The following BMS1 variants were observed in gnomAD, a reference collection of about 807,000 sequenced individuals.
BMS1 encodes ribosome biogenesis protein BMS1 homolog.
BMS1 carries 53 observed loss-of-function variants against 138.7 expected under a neutral mutation model. That is an observed-to-expected ratio of 0.38 (90% CI 0.31 to 0.48). BMS1 has a LOEUF of 0.48. Among genes scored for constraint, BMS1 ranks in the 20% least tolerant of loss-of-function variants. The pLI is 0.97. For synonymous variants in BMS1, 504 were observed against 539.9 expected, an observed-to-expected ratio of 0.93 and a Z score of 0.92; for missense variants, 1,360 against 1,565.5, an observed-to-expected ratio of 0.87 and a Z score of 2.22.
intron 13 of BMS1, among the ~76,000 whole-genome samples, chr10:42,809,380 ATTTC>A (rs1266179577): frequency 6.7e-6 from 1 of 149,816 alleles, no homozygotes; most frequent in African/African-American, 2.5e-5. Context: ...AGACAGTGTT[ATTTC>A]TTTCTTTTCA....
intron 13 of BMS1, among the ~76,000 whole-genome samples, chr10:42,811,520 C>CTCT (rs1842177255): frequency 8.2e-6 from 1 of 121,568 alleles, no homozygotes; most frequent in African/African-American, 3.4e-5. Context: ...GTTGTATTTT[C>CTCT]TTTTTCTTTT....
intron 21 of BMS1, among the ~76,000 whole-genome samples, chr10:42,825,039 C>A (rs1842599557): frequency 6.6e-6 from 1 of 151,914 alleles, no homozygotes; most frequent in Non-Finnish European, 1.5e-5. Context: ...GGCAAAGTCT[C>A]ACTCTGTCGC....
rs1841559386 is a variant in BMS1 at position 42,792,981 on chromosome 10, A to G, written c.926A>G (p.Asp309Gly). ...MPGVGDFAVS[D>G]ISFLPDPCAL... ...GGGGTAGGAGATTTTGCCGTGAGTG[A>G]CATCAGTTTCCTCCCAGACCCTTGC... Residue 309 changes from aspartate to glycine, a missense_variant, in exon 8 of 23, where the codon GAC becomes GGC. Transcript: ENST00000374518. 1 of 1,611,144 alleles carries G rather than the reference A, an allele frequency of 6.2e-7. No homozygotes were observed. The highest frequency in any genetic ancestry group is 1.7e-5 in the Admixed American group (1 of 59,246).
At chr10:42,814,580 T>C (rs1210774125) in intron 13 of BMS1, among the ~76,000 whole-genome samples, 2 of 152,242 alleles carry the variant, frequency 1.3e-5, no homozygotes, top group Non-Finnish European at 2.9e-5. Context: ...TCTGCCTATG[T>C]AATTTTTTTA....
At chr10:42,828,133 T>C (rs1007355853) in intron 21 of BMS1, among the ~76,000 whole-genome samples, 1 of 152,236 alleles carries the variant, frequency 6.6e-6, no homozygotes, top group African/African-American at 2.4e-5. Context: ...TCCCAGGCAC[T>C]GCCTCCCCAA....
intron 13 of BMS1, among the ~76,000 whole-genome samples, chr10:42,810,070 AG>A (rs1588736848): frequency 6.7e-6 from 1 of 149,194 alleles, no homozygotes; most frequent in East Asian, 2.0e-4. Context: ...CCCAAGCGTT[AG>A]GTTTACAGGC....
At chr10:42,824,968 G>A (rs1842596450) in intron 21 of BMS1, among the ~76,000 whole-genome samples, 2 of 151,850 alleles carry the variant, frequency 1.3e-5, no homozygotes, top group Non-Finnish European at 2.9e-5. Flanking sequence ...GCTGTTTGGG[G>A]TTTTTTGTGG....
At chr10:42,786,815 A>T (rs1841346795) in intron 3 of BMS1, among the ~76,000 whole-genome samples, 1 of 152,174 alleles carries the variant, frequency 6.6e-6, no homozygotes, top group South Asian at 2.1e-4. Context: ...GGATGTTTGT[A>T]GCTCTAGTGG....
Position 42,797,029 on chromosome 10 carries a change from A to G in BMS1, c.1785A>G (p.Glu595=), listed in dbSNP as rs760046676. 5.6e-6 allele frequency: 9 copies of G among 1,614,090 alleles called. No individual in the cohort carries two copies. In the African/African-American group the frequency reaches 8.0e-5, roughly 14 times the overall value. The change falls in exon 10 of 23, where the codon GAA becomes GAG. Residue 595 remains glutamate (E), a synonymous_variant. Transcript: ENST00000374518. ...EEVFASEDES[E]ESSSLSAEEE... ...TGTTTGCATCTGAAGATGAATCTGA[A>G]GAAAGCTCCTCACTCAGTGCAGAGG...
Position 42,798,550 on chromosome 10 carries a change from G to A in BMS1, c.2172G>A (p.Glu724=), listed in dbSNP as rs762865702. The change falls in exon 12 of 23, where the codon GAG becomes GAA. Residue 724 remains glutamate (E), a synonymous_variant. Transcript: ENST00000374518. ...GLFRVNQPDR[E]CKHKADSLDC... ...TTCGTGTCAACCAGCCTGACAGAGA[G>A]TGTAAGCACAAGGCTGACTCTTTGG... 1 of 1,614,266 alleles carries A rather than the reference G, an allele frequency of 6.2e-7. No homozygotes were observed. Among genetic ancestry groups the A allele is most frequent in the Non-Finnish European group, 8.5e-7 (1 of 1,180,050 alleles).
chr10:42,796,868 G>A lies in BMS1; in HGVS notation c.1624G>A (p.Ala542Thr), dbSNP rs538370542. The A allele has an allele frequency of 6.2e-7, 1 of 1,614,210 alleles. No individual in the cohort carries two copies. Among genetic ancestry groups the A allele is most frequent in the South Asian group, 1.1e-5 (1 of 91,086 alleles). Residue 542 changes from alanine to threonine, a missense_variant, in exon 10 of 23, where the codon GCT (alanine) becomes ACT (threonine). By Grantham distance (58) the Ala-to-Thr change is moderately conservative. This residue lies in a region of BMS1 where 697 missense variants were observed against 686.2 expected (regional missense o/e 1.02). Coordinates refer to ENST00000374518, the MANE Select transcript of BMS1 (RefSeq NM_014753.4). ...AGEKGISGSKAAGEGSKAGLS... is the reference protein window; with the variant it reads ...AGEKGISGSKTAGEGSKAGLS... The stretch of plus-strand genomic sequence containing the variant: ...AGAGAAGGGCATTTCAGGATCAAAG[G>A]CTGCTGGAGAAGGTAGTAAAGCAGG...
At chr10:42,797,904 C>T (rs1841740078) in intron 11 of BMS1, among the ~76,000 whole-genome samples, 1 of 152,124 alleles carries the variant, frequency 6.6e-6, no homozygotes, top group South Asian at 2.1e-4. Context: ...TTGCCCTTGT[C>T]CTCTGATTTT....
chr10:42,788,074 G>A (rs758889644), intron 4 of BMS1, among the ~76,000 whole-genome samples: 5 of 152,050 alleles, frequency 3.3e-5, no homozygotes, highest in Non-Finnish European at 5.9e-5. Context: ...TTTATACTTT[G>A]GCCCAGGAAG....
intron 13 of BMS1, among the ~76,000 whole-genome samples, chr10:42,814,382 G>C (rs1484309205): frequency 6.6e-6 from 1 of 151,514 alleles, no homozygotes; most frequent in South Asian, 2.1e-4. Context: ...ACTCAATAGA[G>C]CCCATCTAGA....
intron 22 of BMS1, 28 bp from the exon 23 acceptor site, chr10:42,830,838 G>C: frequency 6.3e-7 from 1 of 1,581,566 alleles, no homozygotes; most frequent in East Asian, 2.3e-5. Flanking sequence ...AGAGCATTCT[G>C]ATACTCACCG....
At chr10:42,789,698 CT>C (rs1841444453) in intron 4 of BMS1, among the ~76,000 whole-genome samples, 2 of 151,708 alleles carry the variant, frequency 1.3e-5, no homozygotes, top group African/African-American at 4.8e-5. Flanking sequence ...CTGCATACTT[CT>C]CAACAAAAAA....
At chr10:42,787,523 C>T (rs1220412510) in intron 4 of BMS1, among the ~76,000 whole-genome samples, 1 of 152,118 alleles carries the variant, frequency 6.6e-6, no homozygotes. Flanking sequence ...CTAATAAGAG[C>T]TCATTAATAT....
intron 13 of BMS1, among the ~76,000 whole-genome samples, chr10:42,804,399 AC>A (rs1257640156): frequency 5.3e-5 from 8 of 152,192 alleles, no homozygotes; most frequent in Admixed American, 2.0e-4. Context: ...CTTTCCCAGT[AC>A]CTGATAGTAT....
chr10:42,784,468 T>A lies in BMS1; in HGVS notation c.74T>A (p.Leu25His), dbSNP rs1408105858. The A allele has an allele frequency of 1.2e-6, 2 of 1,613,880 alleles. No homozygotes were observed. Residue 25 changes from leucine to histidine, a missense_variant, in exon 2 of 23, where the codon CTT becomes CAT. Physicochemically the swap from Leu to His is moderately conservative, Grantham distance 99. Transcript: ENST00000374518. ...AAAGCTGCAAAGAAAAAGAAGCGGCTTCTGCAGGATCTCCAGCTAGGAGAC... is the reference window on the plus strand; with the variant it reads ...AAAGCTGCAAAGAAAAAGAAGCGGCATCTGCAGGATCTCCAGCTAGGAGAC... ...GPKAAKKKKR[L>H]LQDLQLGDEE... is the part of the protein sequence containing the mutation.
Sources: gnomAD v4.1 joint callset for allele counts (sites outside exome capture counted in the v4.1 genomes callset) on GRCh38, gnomAD v4.1.1 for gene constraint, gnomAD v4.1.1 regional missense constraint, MANE v1.5 for transcripts, NCBI Gene and HGNC (gene_info 2026-07-23, HGNC 2026-07-21) for gene names.